RELT: variants seen among roughly 807,000 people sequenced by gnomAD.
RELT encodes the protein tumor necrosis factor receptor superfamily member 19L.
In RELT, 37 loss-of-function variants were observed where a neutral mutation model predicts 51.1. The observed-to-expected ratio is 0.72, with a 90% CI of 0.56 to 0.95. The LOEUF is 0.95. Among genes scored for constraint, RELT ranks in the 40% least tolerant of loss-of-function variants. The pLI, the probability that RELT is intolerant of heterozygous loss-of-function variation, is 0.00. For missense variants in RELT, 535 were observed against 572.6 expected (o/e 0.93, Z 0.67); for synonymous variants, 241 against 235.7 (o/e 1.02, Z -0.21).
chr11:73,377,633 C>T (rs1865990692), intron 1 of RELT, among the ~76,000 whole-genome samples: 2 of 152,086 alleles, frequency 1.3e-5, no homozygotes, highest in South Asian at 4.2e-4. Flanking sequence ...AGTTCTGCCC[C>T]TGTGTAATCT....
At chr11:73,387,429 G>T (rs1866143311) in intron 1 of RELT, among the ~76,000 whole-genome samples, 2 of 152,240 alleles carry the variant, frequency 1.3e-5, no homozygotes. Context: ...AGGACACTTT[G>T]GGGCAGAAAC....
intron 1 of RELT, among the ~76,000 whole-genome samples, chr11:73,377,075 C>T (rs897190405): frequency 6.6e-6 from 1 of 152,120 alleles, no homozygotes; most frequent in Admixed American, 6.5e-5. Flanking sequence ...AGACAGGCAG[C>T]GTGTGTGCGT....
At chr11:73,381,758 C>G (rs1866053772) in intron 1 of RELT, among the ~76,000 whole-genome samples, 1 of 152,182 alleles carries the variant, frequency 6.6e-6, no homozygotes, top group Non-Finnish European at 1.5e-5. Flanking sequence ...GACCATGGCC[C>G]TGGCTGGTGT....
intron 1 of RELT, 145 bp downstream of exon 1, chr11:73,376,644 C>T (rs1590725893): frequency 6.6e-6 from 1 of 151,950 alleles, no homozygotes; most frequent in African/African-American, 2.4e-5. Context: ...GGCCGCGCGC[C>T]CCCCCACCCC....
chr11:73,396,472 G>A lies in RELT; in HGVS notation c.*981G>A, dbSNP rs1286771365. On this transcript the variant is annotated 3_prime_UTR_variant, in exon 11 of 11. Coordinates refer to ENST00000064780, the MANE Select transcript of RELT (RefSeq NM_152222.2). ...GCAGTGCAGGCGGCTGCCAGGCCCA[G>A]CCCTGACTTCCACTCTGGCTCAGCA... 2.6e-5 allele frequency: 4 copies of A among 152,316 alleles called. No individual in the cohort carries two copies. In the East Asian group the frequency reaches 5.8e-4, roughly 22 times the overall value. 9.4% of individuals were successfully genotyped at this position (152,316 alleles called of 1,614,324 possible).
chr11:73,389,639 G>A (rs1219414949), intron 2 of RELT, among the ~76,000 whole-genome samples: 2 of 152,230 alleles, frequency 1.3e-5, no homozygotes, highest in African/African-American at 2.4e-5. Flanking sequence ...CTGCAGGCAA[G>A]TCCACATTAC....
rs374605848 is a variant in RELT, at chr11:73,390,949, T to A, written c.287+28T>A. On this transcript the variant is annotated intron_variant, in intron 4 of 10. Transcript: ENST00000064780. ...AAGCCAAAGGGAGTGCGGGGAGGGC[T>A]CCTGGCTGGGTGACCAGGACTCTGG... 2.5e-6 allele frequency: 4 copies of A among 1,604,034 alleles called. No individual in the cohort carries two copies. In the African/African-American group the frequency reaches 5.4e-5, roughly 22 times the overall value.
In RELT at chr11:73,395,218, A is replaced by C. The variant is rs905164656; in HGVS notation, c.1178A>C (p.Gln393Pro). 3.1e-6 allele frequency: 5 copies of C among 1,613,204 alleles called. No individual in the cohort carries two copies. The Admixed American group carries it at 6.7e-5, about 22-fold the overall frequency. The change falls in exon 10 of 11, where the codon CAG (glutamine) becomes CCG (proline). Residue 393 changes from glutamine to proline, a missense_variant. Physicochemically the swap from Gln to Pro is moderately conservative, Grantham distance 76. Coordinates refer to ENST00000064780, the MANE Select transcript of RELT (RefSeq NM_152222.2). ...SPQPGLPPEQ[Q>P]ALLGSGGSRT... is the part of the protein sequence containing the mutation. ...CAGCCTGGCCTCCCCCCTGAGCAGC[A>C]GGCCCTGCTAGGAAGTGGCGGAAGC...
intron 5 of RELT, 94 bp from the exon 6 acceptor site, chr11:73,392,117 C>A: frequency 6.9e-7 from 1 of 1,442,018 alleles, no homozygotes; most frequent in Non-Finnish European, 9.4e-7. Flanking sequence ...CATTGGCTCT[C>A]CTGCAGCCCC....
rs1866277320 is a variant in RELT, at chr11:73,394,573, C to T, written c.885C>T (p.Cys295=). 1 of 1,612,766 alleles carries T rather than the reference C, an allele frequency of 6.2e-7. No homozygotes were observed. The highest frequency in any genetic ancestry group is 8.5e-7 in the Non-Finnish European group (1 of 1,180,008). Residue 295 remains cysteine, a synonymous_variant, in exon 9 of 11, where the codon TGC becomes TGT. Coordinates refer to ENST00000064780, the MANE Select transcript of RELT (RefSeq NM_152222.2). The surrounding 1 kb of genome is among the most constrained non-coding windows in gnomAD (Gnocchi z 4.9). ...QGLASLSGPC[C]SRCSQKKWPE... Reference sequence around the variant, plus strand: ...TGGCCTCGCTCTCTGGCCCCTGCTGCTCCCGCTGTAGCCAGAAGAAGTGGC... The same window carrying T: ...TGGCCTCGCTCTCTGGCCCCTGCTGTTCCCGCTGTAGCCAGAAGAAGTGGC...
rs1408086024 is a variant in RELT, at chr11:73,390,768, G to T, written c.134G>T (p.Gly45Val). 1.2e-6 allele frequency: 2 copies of T among 1,609,590 alleles called. No homozygotes were observed. The highest frequency in any genetic ancestry group is 2.2e-5 in the East Asian group (1 of 44,800). Residue 45 changes from glycine (G) to valine (V), a missense_variant, in exon 4 of 11, where the codon GGC becomes GTC. Transcript: ENST00000064780. ...GEEPDLDPGQ[G>V]TLCRPCPPGT... ...TACCTCCCACAGGACCCAGGGCAGG[G>T]CACATTATGCAGGCCCTGCCCCCCA...
In RELT at chr11:73,394,484, C is replaced by T. The variant is rs1332687678; in HGVS notation, c.796C>T (p.Pro266Ser). The T allele has an allele frequency of 1.2e-6, 2 of 1,609,428 alleles. No homozygotes were observed. The highest frequency in any genetic ancestry group is 2.2e-5 in the East Asian group (1 of 44,834). ...TGCCTGTGCCCCCTGCAGGCTGCCG[C>T]CAGCGCCCCCGAACGTGCCACACAT... ...TSHRPVSKLP[P>S]APPNVPHICP... The change falls in exon 9 of 11, where the codon CCA becomes TCA. Residue 266 changes from proline (P) to serine (S), a missense_variant. By Grantham distance (74) the Pro-to-Ser change is moderately conservative (BLOSUM62 -1). Coordinates refer to ENST00000064780, the MANE Select transcript of RELT (RefSeq NM_152222.2). This position sits in a 1 kb window ranked among gnomAD's most constrained non-coding sequence, Gnocchi z 4.9.
chr11:73,382,676 TTGACCTCTC>T (rs1866067971), intron 1 of RELT, among the ~76,000 whole-genome samples: 2 of 152,294 alleles, frequency 1.3e-5, no homozygotes, highest in South Asian at 4.1e-4. Flanking sequence ...AGGCTACCAC[TTGACCTCTC>T]TGAGCCTCAG....
At chr11:73,395,058 CG>C in intron 9 of RELT, 28 bp from the exon 10 acceptor site, 1 of 1,583,590 alleles carries the variant, frequency 6.3e-7, no homozygotes, top group African/African-American at 1.3e-5. Flanking sequence ...TCCCCGCTAA[CG>C]GGGATGATTG....
chr11:73,391,003 T>C, intron 4 of RELT, 82 bp downstream of exon 4: 2 of 1,551,178 alleles, frequency 1.3e-6, no homozygotes, highest in Non-Finnish European at 1.8e-6. Context: ...TATTGTACCC[T>C]GAGCAGGCCT....
Position 73,390,786 on chromosome 11 carries a change from GC to G in RELT, c.158del (p.Pro53GlnfsTer178). The G allele has an allele frequency of 2.5e-6, 4 of 1,610,160 alleles. No individual in the cohort carries two copies. The highest frequency in any genetic ancestry group is 1.1e-5 in the South Asian group (1 of 90,806). The stretch of plus-strand genomic sequence containing the variant: ...GGGCAGGGCACATTATGCAGGCCCT[GC>G]CCCCCAGGCACCTTCTCAGCTGCAT... ...DPGQGTLCRP[C>X]PPGTFSAAWG... On this transcript the variant is annotated frameshift_variant, in exon 4 of 11. Transcript: ENST00000064780. LOFTEE classifies it high-confidence loss of function.
rs775209707 is a variant in RELT, at chr11:73,390,791, C to A, written c.157C>A (p.Pro53Thr). 2.5e-6 allele frequency: 4 copies of A among 1,611,268 alleles called. No homozygotes were observed. The highest frequency in any genetic ancestry group is 2.2e-5 in the South Asian group (2 of 90,888). The change falls in exon 4 of 11, where the codon CCA becomes ACA. Residue 53 changes from proline (P) to threonine (T), a missense_variant. By Grantham distance (38) the Pro-to-Thr change is conservative. Transcript: ENST00000064780. Reference protein sequence around the residue: ...GQGTLCRPCPPGTFSAAWGSS... With the variant: ...GQGTLCRPCPTGTFSAAWGSS... ...GGGCACATTATGCAGGCCCTGCCCC[C>A]CAGGCACCTTCTCAGCTGCATGGGG...
rs1301678051 is a variant in RELT, at chr11:73,396,956, A to G, written c.*1465A>G. On this transcript the variant is annotated 3_prime_UTR_variant, in exon 11 of 11. Transcript: ENST00000064780. ...ACTTAATTTTTTTTTAACCCAGTCT[A>G]TCCAAAATATTTTCATTTCAATATA... 1 of 151,870 alleles carries G rather than the reference A, an allele frequency of 6.6e-6. No individual in the cohort carries two copies. Among genetic ancestry groups the G allele is most frequent in the Non-Finnish European group, 1.5e-5 (1 of 68,040 alleles). The allele number at this position is 151,870 out of a possible 1,614,324, so 9.4% of individuals were successfully genotyped here.
Position 73,395,481 on chromosome 11 carries a change from T to C in RELT, c.1283T>C (p.Leu428Pro), listed in dbSNP as rs1211777750. Reference sequence around the variant, plus strand: ...GTGGTCCGGCTAAGTGAGAGCAACCTGGTCATCTGAGGGGCGGTCTAGTCT... The same window carrying C: ...GTGGTCCGGCTAAGTGAGAGCAACCCGGTCATCTGAGGGGCGGTCTAGTCT... ...RYVVRLSESN[L>P]VI Residue 428 changes from leucine to proline, a missense_variant, in exon 11 of 11, where the codon CTG becomes CCG. Leu to Pro is a moderately conservative substitution (Grantham distance 98). Transcript: ENST00000064780. 1 of 796,726 alleles carries C rather than the reference T, an allele frequency of 1.3e-6. No homozygotes were observed. The allele number at this position is 796,726 out of a possible 1,614,324, so 49.4% of individuals were successfully genotyped here.
Sources: allele counts gnomAD v4.1 joint callset (sites outside exome capture counted in the v4.1 genomes callset), GRCh38; gene constraint gnomAD v4.1.1; non-coding constraint Gnocchi (gnomAD v3.1); transcripts MANE v1.5; gene names NCBI Gene and HGNC (gene_info 2026-07-23, HGNC 2026-07-21).